The following ACOX3 variants were observed in gnomAD, a reference collection of about 807,000 sequenced individuals.
ACOX3 encodes peroxisomal acyl-coenzyme A oxidase 3.
A neutral mutation model predicts 81.5 loss-of-function variants in ACOX3; 73 were observed. That is an observed-to-expected ratio of 0.90 (90% CI 0.74 to 1.09). The LOEUF is 1.09. Among genes scored for constraint, ACOX3 ranks in the 50% least tolerant of loss-of-function variants. The probability of loss-of-function intolerance (pLI) is 0.00; values close to 1 mark genes in which losing one functional copy is unlikely to be tolerated. For synonymous variants in ACOX3, 387 were observed against 375.1 expected, an observed-to-expected ratio of 1.03 and a Z score of -0.37; for missense variants, 947 against 928.0, an observed-to-expected ratio of 1.02 and a Z score of -0.27.
At position 8,392,432 on chromosome 4, in the gene ACOX3, G is replaced by A. The variant is rs2108868685; in HGVS notation, c.1201C>T (p.His401Tyr). The A allele has an allele frequency of 2.5e-6, 4 of 1,602,144 alleles. No homozygotes were observed. The highest frequency in any genetic ancestry group is 3.4e-6 in the Non-Finnish European group (4 of 1,175,716). ...GGCTTGCTGGCCGATGCCAGGGCGT[G>A]GATCTCACGTCCAAGCTCTGCCTTT... ...ARQAELGREI[H>Y]ALASASKPLA... Residue 401 changes from histidine (H) to tyrosine (Y), a missense_variant, in exon 11 of 18, where the codon CAC becomes TAC. Physicochemically the swap from His to Tyr is moderately conservative, Grantham distance 83 (BLOSUM62 2). Transcript: ENST00000356406.
chr4:8,401,612 TC>T (rs1458202375), intron 7 of ACOX3, among the ~76,000 whole-genome samples: 26 of 152,206 alleles, frequency 1.7e-4, no homozygotes, highest in Admixed American at 1.7e-3. Context: ...CTGGGCCGTT[TC>T]CCAAAGGCCT....
chr4:8,387,793 G>A (rs778386786), intron 13 of ACOX3, among the ~76,000 whole-genome samples: 3 of 152,110 alleles, frequency 2.0e-5, no homozygotes, highest in African/African-American at 2.4e-5. Context: ...TCCTCGCTCC[G>A]CCCCTCCCTG....
At position 8,369,988 on chromosome 4, in the gene ACOX3, A is replaced by T. The variant is rs532026428; in HGVS notation, c.1983+920T>A. Among the ~76,000 whole-genome samples the T allele has an allele frequency of 2.6e-5, 4 of 152,292 alleles. No homozygotes were observed. In the South Asian group the frequency reaches 8.3e-4, roughly 32 times the overall value. On this transcript the variant is annotated intron_variant, in intron 17 of 17. Coordinates refer to ENST00000356406, the MANE Select transcript of ACOX3 (RefSeq NM_003501.3). ...CTGGAAGGCACCCAGTGGACCTGTG[A>T]GCATCGCTCCTCGAGGGCATCATCA...
At position 8,426,509 on chromosome 4, in the gene ACOX3, C is replaced by T. The variant is rs74922744; in HGVS notation, c.-14-9974G>A. 4.0e-3 allele frequency among the ~76,000 whole-genome samples: 556 copies of T among 138,354 alleles called. 8 individuals carry two copies. The East Asian group carries it at 0.043, about 11-fold the overall frequency. The allele number at this position is 138,354 out of a possible 152,430, so 90.8% of individuals were successfully genotyped here. Reference sequence around the variant, plus strand: ...AATCGTAGAGCTCCATGGCCCCCCCCGTCATATTTTTCTCTTTACTGTTGT... The same window carrying T: ...AATCGTAGAGCTCCATGGCCCCCCCTGTCATATTTTTCTCTTTACTGTTGT... On this transcript the variant is annotated intron_variant, in intron 1 of 17. Coordinates refer to ENST00000356406, the MANE Select transcript of ACOX3 (RefSeq NM_003501.3).
intron 10 of ACOX3, among the ~76,000 whole-genome samples, chr4:8,393,841 T>C (rs1719351832): frequency 6.6e-6 from 1 of 152,166 alleles, no homozygotes; most frequent in South Asian, 2.1e-4. Flanking sequence ...CTCCACTGAC[T>C]CACGCTCCAG....
At chr4:8,367,642 C>T (rs1715620947) in intron 17 of ACOX3, among the ~76,000 whole-genome samples, 1 of 151,240 alleles carries the variant, frequency 6.6e-6, no homozygotes, top group African/African-American at 2.4e-5. Context: ...CTATAAAACA[C>T]ATTTATAATG....
At chr4:8,392,541 T>C in intron 10 of ACOX3, 88 bp from the exon 11 acceptor site, 2 of 1,365,234 alleles carry the variant, frequency 1.5e-6, no homozygotes, top group Middle Eastern at 1.9e-4. Context: ...CAAACCACCA[T>C]ATCACCTCTA....
intron 16 of ACOX3, among the ~76,000 whole-genome samples, chr4:8,371,399 T>C (rs1218314571): frequency 6.6e-6 from 1 of 152,210 alleles, no homozygotes; most frequent in Non-Finnish European, 1.5e-5. Context: ...TATGAGCACT[T>C]GGAAAAGCCA....
Position 8,370,876 on chromosome 4 carries a change from G to C in ACOX3, c.1983+32C>G, listed in dbSNP as rs1375291118. 6.3e-7 allele frequency: 1 copy of C among 1,597,888 alleles called. No individual in the cohort carries two copies. The highest frequency in any genetic ancestry group is 1.7e-5 in the Admixed American group (1 of 59,972). On this transcript the variant is annotated intron_variant, in intron 17 of 17. Coordinates refer to ENST00000356406, the MANE Select transcript of ACOX3 (RefSeq NM_003501.3). The surrounding 1 kb of genome is among the most constrained non-coding windows in gnomAD (Gnocchi z 6.3). ...CGCAGAAATGCCCATCAACCCTTGG[G>C]GCACTCCCGTGAGGCCCTGTCCTCC...
chr4:8,433,069 C>T (rs1015391590), intron 1 of ACOX3, among the ~76,000 whole-genome samples: 7 of 152,226 alleles, frequency 4.6e-5, no homozygotes, highest in African/African-American at 1.7e-4. Context: ...CTATTTCCAG[C>T]CCCAGGCAGT....
intron 8 of ACOX3, among the ~76,000 whole-genome samples, chr4:8,398,612 A>C (rs1360703408): frequency 6.6e-6 from 1 of 152,072 alleles, no homozygotes; most frequent in African/African-American, 2.4e-5. Context: ...CAAGTAACGG[A>C]CCACAGGCAC....
intron 1 of ACOX3, among the ~76,000 whole-genome samples, chr4:8,427,970 G>A (rs1268473458): frequency 6.6e-6 from 1 of 152,226 alleles, no homozygotes; most frequent in African/African-American, 2.4e-5. Flanking sequence ...CTAGTGCCCA[G>A]GGTCTACCGT....
At chr4:8,395,311 G>A (rs1430070498) in intron 9 of ACOX3, among the ~76,000 whole-genome samples, 1 of 150,038 alleles carries the variant, frequency 6.7e-6, no homozygotes, top group Non-Finnish European at 1.5e-5. Flanking sequence ...TGGATGTGTG[G>A]GTGGGTGGAT....
chr4:8,405,485 C>A lies in ACOX3; in HGVS notation c.776+470G>T, dbSNP rs780536041. Among the ~76,000 whole-genome samples the A allele has an allele frequency of 3.9e-5, 6 of 152,234 alleles. No individual in the cohort carries two copies. Among genetic ancestry groups the A allele is most frequent in the Non-Finnish European group, 8.8e-5 (6 of 68,044 alleles). On this transcript the variant is annotated intron_variant, in intron 7 of 17. Coordinates refer to ENST00000356406, the MANE Select transcript of ACOX3 (RefSeq NM_003501.3). The surrounding 1 kb of genome is among the most constrained non-coding windows in gnomAD (Gnocchi z 7.1). ...TGGGCTGATTAAACAAATAAGCCAG[C>A]GGAATTCTCTTTCTAAGTGCTGTGA... is the stretch of plus-strand genomic sequence containing the variant.
Position 8,389,169 on chromosome 4 carries a change from T to A in ACOX3, c.1537+4A>T. 1 of 1,612,692 alleles carries A rather than the reference T, an allele frequency of 6.2e-7. No individual in the cohort carries two copies. The highest frequency in any genetic ancestry group is 8.5e-7 in the Non-Finnish European group (1 of 1,179,076). ...CCAGGGGAGCCCTCCACCTGTGTGTTTACCTGCAGAGTCCAAGCAGTCGGC... is the reference window on the plus strand; with the variant it reads ...CCAGGGGAGCCCTCCACCTGTGTGTATACCTGCAGAGTCCAAGCAGTCGGC... On this transcript the variant is annotated splice_donor_region_variant and intron_variant, in intron 13 of 17. Transcript: ENST00000356406. This position sits in a 1 kb window ranked among gnomAD's most constrained non-coding sequence, Gnocchi z 5.3.
At position 8,381,956 on chromosome 4, in the gene ACOX3, T is replaced by C. The variant is rs1717713459; in HGVS notation, c.1538-349A>G. On this transcript the variant is annotated intron_variant, in intron 13 of 17. Coordinates refer to ENST00000356406, the MANE Select transcript of ACOX3 (RefSeq NM_003501.3). The surrounding 1 kb of genome is among the most constrained non-coding windows in gnomAD (Gnocchi z 4.3). ...TCTCGCACGCACCAGGCTCGGTCTG[T>C]GTGAAGCGTGGTGCTGCCTCCACAG... Among the ~76,000 whole-genome samples the C allele has an allele frequency of 6.6e-6, 1 of 152,242 alleles. No individual in the cohort carries two copies. Among genetic ancestry groups the C allele is most frequent in the Admixed American group, 6.5e-5 (1 of 15,280 alleles).
At position 8,381,438 on chromosome 4, in the gene ACOX3, C is replaced by A. The variant is rs1320654045; in HGVS notation, c.1653+54G>T. On this transcript the variant is annotated intron_variant, in intron 14 of 17. Coordinates refer to ENST00000356406, the MANE Select transcript of ACOX3 (RefSeq NM_003501.3). This position sits in a 1 kb window ranked among gnomAD's most constrained non-coding sequence, Gnocchi z 4.3. ...GTTCAAACTCCCAGGGACACAACGG[C>A]CAGGGAATTAAGAGCAAATAATACA... 3.9e-6 allele frequency: 6 copies of A among 1,527,756 alleles called. No homozygotes were observed. The highest frequency in any genetic ancestry group is 3.6e-6 in the Non-Finnish European group (4 of 1,107,148). 94.6% of individuals were successfully genotyped at this position (1,527,756 alleles called of 1,614,324 possible).
At position 8,410,283 on chromosome 4, in the gene ACOX3, G is replaced by A; in HGVS notation, c.616C>T (p.His206Tyr). 6.2e-7 allele frequency: 1 copy of A among 1,614,170 alleles called. No individual in the cohort carries two copies. ...CACAGCTTAGCAAACACCACCGCGT[G>A]AGTGGCTGTCTTGCCCATGTTGCCA... Reference protein sequence around the residue: ...WVGNMGKTATHAVVFAKLCVP... With the variant: ...WVGNMGKTATYAVVFAKLCVP... The change falls in exon 6 of 18, where the codon CAC (histidine) becomes TAC (tyrosine). Residue 206 changes from histidine to tyrosine, a missense_variant. Physicochemically the swap from His to Tyr is moderately conservative, Grantham distance 83. Coordinates refer to ENST00000356406, the MANE Select transcript of ACOX3 (RefSeq NM_003501.3).
Position 8,414,123 on chromosome 4 carries a change from TG to T in ACOX3, c.543+168del, listed in dbSNP as rs1248365406. Among the ~76,000 whole-genome samples the T allele has an allele frequency of 3.3e-5, 5 of 152,190 alleles. No individual in the cohort carries two copies. Among genetic ancestry groups the T allele is most frequent in the Admixed American group, 6.5e-5 (1 of 15,292 alleles). ...CTTTGTCCTCCAATGCCTGATCTCC[TG>T]GGCCCCACTTTTCAGTGTGATGAAT... On this transcript the variant is annotated intron_variant, in intron 5 of 17. Coordinates refer to ENST00000356406, the MANE Select transcript of ACOX3 (RefSeq NM_003501.3). This position sits in a 1 kb window ranked among gnomAD's most constrained non-coding sequence, Gnocchi z 6.1.
Sources: gnomAD v4.1 joint callset for allele counts (sites outside exome capture counted in the v4.1 genomes callset) on GRCh38, gnomAD v4.1.1 for gene constraint, Gnocchi (gnomAD v3.1) non-coding constraint, MANE v1.5 for transcripts, NCBI Gene and HGNC (gene_info 2026-07-23, HGNC 2026-07-21) for gene names.